Variants in DNM3 observed in about 807,000 individuals in gnomAD.
DNM3 encodes dynamin-3.
A neutral mutation model predicts 101.6 loss-of-function variants in DNM3; 47 were observed. The observed-to-expected ratio is 0.46, with a 90% CI of 0.37 to 0.59. DNM3 has a LOEUF of 0.59. Ranked by LOEUF, DNM3 falls within the 20% of genes least tolerant of loss-of-function variation. DNM3 has a pLI of 0.00. For missense variants in DNM3, 849 were observed against 1,085.7 expected (o/e 0.78, Z 3.06); for synonymous variants, 385 against 387.9 (o/e 0.99, Z 0.09).
chr1:172,284,571 T>C (rs1280885221), intron 15 of DNM3, among the ~76,000 whole-genome samples: 1 of 152,196 alleles, frequency 6.6e-6, no homozygotes, highest in Non-Finnish European at 1.5e-5. Context: ...TCTCAAGACA[T>C]GTTTATCAAA....
chr1:172,183,913 GT>G (rs879338013), intron 14 of DNM3, among the ~76,000 whole-genome samples: 79 of 139,282 alleles, frequency 5.7e-4, no homozygotes, highest in South Asian at 3.0e-3. Flanking sequence ...TGGCTTCAAA[GT>G]TTTTTTTTTT....
intron 2 of DNM3, among the ~76,000 whole-genome samples, chr1:171,941,079 C>G (rs2041779323): frequency 6.6e-6 from 1 of 152,046 alleles, no homozygotes; most frequent in Non-Finnish European, 1.5e-5. Flanking sequence ...TAAAAAAACT[C>G]ATGAAGAACA....
rs2044758313 is a variant in DNM3 at position 171,981,107 on chromosome 1, AAC to A, written c.236-6545_236-6544del. Reference sequence around the variant, plus strand: ...CTCTAAATATAATAGGCATTAGGGAAACACAGAAGAGTAAAATGTATCTCTGC... The same window carrying A: ...CTCTAAATATAATAGGCATTAGGGAAACAGAAGAGTAAAATGTATCTCTGC... On this transcript the variant is annotated intron_variant, in intron 2 of 20. Coordinates refer to ENST00000627582, the MANE Select transcript of DNM3 (RefSeq NM_015569.5). 2.0e-5 allele frequency among the ~76,000 whole-genome samples: 3 copies of A among 152,286 alleles called. No individual in the cohort carries two copies. The South Asian group carries it at 6.2e-4, about 32-fold the overall frequency.
intron 17 of DNM3, among the ~76,000 whole-genome samples, chr1:172,335,105 T>C (rs1489943722): frequency 6.6e-6 from 1 of 152,088 alleles, no homozygotes; most frequent in Non-Finnish European, 1.5e-5. Context: ...CCCAATAACT[T>C]GACTCATGGA....
At chr1:172,112,724 C>G (rs1320094388) in intron 13 of DNM3, among the ~76,000 whole-genome samples, 1 of 152,044 alleles carries the variant, frequency 6.6e-6, no homozygotes, top group Non-Finnish European at 1.5e-5. Context: ...AGTTTGGGGC[C>G]CCACTTGCCA....
At chr1:171,872,195 G>A (rs1311650451) in intron 1 of DNM3, among the ~76,000 whole-genome samples, 1 of 152,154 alleles carries the variant, frequency 6.6e-6, no homozygotes, top group Non-Finnish European at 1.5e-5. Flanking sequence ...GGATTTAAGA[G>A]TGTACTTCTT....
chr1:172,271,036 GA>G (rs2063064291), intron 15 of DNM3, among the ~76,000 whole-genome samples: 1 of 152,078 alleles, frequency 6.6e-6, no homozygotes, highest in Admixed American at 6.6e-5. Context: ...TTTTGCTTCA[GA>G]AAATAAATAA....
chr1:172,163,559 C>T (rs1271200542), intron 14 of DNM3, among the ~76,000 whole-genome samples: 1 of 151,922 alleles, frequency 6.6e-6, no homozygotes, highest in Non-Finnish European at 1.5e-5. Flanking sequence ...CTATAGTCAC[C>T]ATGCTGTACA....
At chr1:172,416,412 TC>T (rs2071426966), downstream of DNM3, among the ~76,000 whole-genome samples, 1 of 152,190 alleles carries the variant, frequency 6.6e-6, no homozygotes, top group Non-Finnish European at 1.5e-5. Context: ...CAATGCTTTT[TC>T]AGCAATGACA....
intron 1 of DNM3, 108 bp downstream of exon 1, chr1:171,841,925 T>G (rs1182289858): frequency 2.2e-6 from 2 of 918,230 alleles, no homozygotes; most frequent in Non-Finnish European, 2.8e-6. Context: ...GACCAGGCGC[T>G]GCGGTGGAAT....
chr1:172,308,646 A>G, intron 15 of DNM3, 82 bp from the exon 16 acceptor site: 1 of 598,776 alleles, frequency 1.7e-6, no homozygotes, highest in Non-Finnish European at 2.6e-6. Context: ...TGTCACTTAC[A>G]TCATCATCGT....
At chr1:172,164,132 AAAC>A (rs1054606167) in intron 14 of DNM3, among the ~76,000 whole-genome samples, 2 of 152,088 alleles carry the variant, frequency 1.3e-5, no homozygotes, top group African/African-American at 4.8e-5. Flanking sequence ...GTACAGTTGA[AAAC>A]AACAGTAGCT....
chr1:171,944,854 CCTTTTTTT>C lies in DNM3; in HGVS notation c.235+23034_235+23041del, dbSNP rs1179367851. Among the ~76,000 whole-genome samples the C allele has an allele frequency of 3.7e-4, 14 of 37,582 alleles. 2 individuals are homozygous for C. The South Asian group carries it at 4.2e-3, about 11-fold the overall frequency. The allele number at this position is 37,582 out of a possible 152,430, so 24.7% of individuals were successfully genotyped here. On this transcript the variant is annotated intron_variant, in intron 2 of 20. Transcript: ENST00000627582. ...TTTGTTTTCTTTTTTTTTGGTGTTT[CCTTTTTTT>C]TTTTTTTTTTTTTTTTTTTGAGGCA...
chr1:171,865,155 C>T (rs2034591962), intron 1 of DNM3, among the ~76,000 whole-genome samples: 1 of 152,060 alleles, frequency 6.6e-6, no homozygotes, highest in Non-Finnish European at 1.5e-5. Context: ...TTTATTTATT[C>T]ATTCTTTTCT....
At chr1:172,211,781 A>T (rs1489999050) in intron 14 of DNM3, among the ~76,000 whole-genome samples, 1 of 152,172 alleles carries the variant, frequency 6.6e-6, no homozygotes, top group Non-Finnish European at 1.5e-5. Context: ...GAGTTTCTGC[A>T]CAGTTTTCCT....
intron 16 of DNM3, among the ~76,000 whole-genome samples, chr1:172,316,178 A>C (rs186009054): frequency 6.6e-6 from 1 of 152,152 alleles, no homozygotes; most frequent in Non-Finnish European, 1.5e-5. Flanking sequence ...CTTCACAGAC[A>C]AGCAAATGCT....
chr1:171,971,665 T>G (rs1179895690), intron 2 of DNM3, among the ~76,000 whole-genome samples: 2 of 152,116 alleles, frequency 1.3e-5, no homozygotes, highest in African/African-American at 4.8e-5. Flanking sequence ...TAGTCTGAAT[T>G]CTGCAACCTA....
chr1:171,899,050 C>T (rs1194880308), intron 1 of DNM3, among the ~76,000 whole-genome samples: 1 of 152,172 alleles, frequency 6.6e-6, no homozygotes, highest in Non-Finnish European at 1.5e-5. Flanking sequence ...CTTAGCCCCT[C>T]CGGACGCTTG....
intron 14 of DNM3, among the ~76,000 whole-genome samples, chr1:172,206,871 A>G (rs533392970): frequency 5.3e-5 from 8 of 152,212 alleles, no homozygotes; most frequent in Admixed American, 2.0e-4. Context: ...CAAATGTTAT[A>G]TACTTTGTGA....
Sources: gnomAD v4.1 joint callset for allele counts (sites outside exome capture counted in the v4.1 genomes callset) on GRCh38, gnomAD v4.1.1 for gene constraint, MANE v1.5 for transcripts, NCBI Gene and HGNC (gene_info 2026-07-23, HGNC 2026-07-21) for gene names.